The following ZCCHC7 variants were observed in gnomAD, a reference collection of about 807,000 sequenced individuals.
ZCCHC7 encodes the protein zinc finger CCHC-type containing 7, also known as zinc finger CCHC domain-containing protein 7.
A neutral mutation model predicts 52.0 loss-of-function variants in ZCCHC7; 35 were observed. The observed-to-expected ratio is 0.67, with a 90% CI of 0.51 to 0.89. The LOEUF is 0.89. Among genes scored for constraint, ZCCHC7 ranks in the 40% least tolerant of loss-of-function variants. ZCCHC7 has a pLI of 0.00. For synonymous variants in ZCCHC7, 217 were observed against 221.5 expected, an observed-to-expected ratio of 0.98 and a Z score of 0.18; for missense variants, 574 against 649.1, an observed-to-expected ratio of 0.88 and a Z score of 1.26.
intron 2 of ZCCHC7, among the ~76,000 whole-genome samples, chr9:37,270,596 C>A (rs985772790): frequency 6.6e-6 from 1 of 151,258 alleles, no homozygotes; most frequent in Non-Finnish European, 1.5e-5. Context: ...GCAGGAGAAT[C>A]GCTTGAACCT....
chr9:37,333,313 G>A lies in ZCCHC7; in HGVS notation c.987+5479G>A, dbSNP rs56288876. Reference sequence around the variant, plus strand: ...AATATCTTTAATGACCTACTCACTAGTCATCATGAATTTGGCTCATATTTT... The same window carrying A: ...AATATCTTTAATGACCTACTCACTAATCATCATGAATTTGGCTCATATTTT... On this transcript the variant is annotated intron_variant, in intron 6 of 8. Transcript: ENST00000336755. Among the ~76,000 whole-genome samples the A allele has an allele frequency of 6.2e-3, 935 of 151,686 alleles. 5 individuals carry two copies. The highest frequency in any genetic ancestry group is 0.021 in the African/African-American group (885 of 41,472).
In ZCCHC7 at chr9:37,354,410, G is replaced by T. The variant is rs1244770465; in HGVS notation, c.1084-300G>T. The stretch of plus-strand genomic sequence containing the variant: ...ATAACATAAACCCACTAACAGAGCG[G>T]CAAGGCTGCTACCTCAGACTGTGAA... On this transcript the variant is annotated intron_variant, in intron 7 of 8. Coordinates refer to ENST00000336755, the MANE Select transcript of ZCCHC7 (RefSeq NM_032226.3). The surrounding 1 kb of genome is among the most constrained non-coding windows in gnomAD (Gnocchi z 4.0). 6.6e-6 allele frequency among the ~76,000 whole-genome samples: 1 copy of T among 152,174 alleles called. No homozygotes were observed. The highest frequency in any genetic ancestry group is 1.5e-5 in the Non-Finnish European group (1 of 68,036).
At chr9:37,308,980 C>CA (rs56871245) in intron 5 of ZCCHC7, among the ~76,000 whole-genome samples, 7,347 of 107,090 alleles carry the variant, frequency 0.069, 540 homozygotes, top group African/African-American at 0.19. Context: ...AGTCTGTATC[C>CA]AAAAAAAAAA....
At chr9:37,249,854 A>G (rs563290695) in intron 2 of ZCCHC7, among the ~76,000 whole-genome samples, 1 of 152,194 alleles carries the variant, frequency 6.6e-6, no homozygotes, top group African/African-American at 2.4e-5. Context: ...GTCTCCTGGA[A>G]TACAACATAG....
chr9:37,332,398 TC>T (rs1830483923), intron 6 of ZCCHC7, among the ~76,000 whole-genome samples: 1 of 151,476 alleles, frequency 6.6e-6, no homozygotes, highest in Non-Finnish European at 1.5e-5. Context: ...TAATAGTCCA[TC>T]TCTGATAACA....
At chr9:37,214,860 T>C in intron 2 of ZCCHC7, among the ~76,000 whole-genome samples, 1 of 152,072 alleles carries the variant, frequency 6.6e-6, no homozygotes, top group Non-Finnish European at 1.5e-5. Flanking sequence ...TATTTGGGTA[T>C]TGAATATCAG....
At chr9:37,303,829 A>G (rs190162344) in intron 3 of ZCCHC7, among the ~76,000 whole-genome samples, 15 of 151,442 alleles carry the variant, frequency 9.9e-5, no homozygotes, top group African/African-American at 3.2e-4. Flanking sequence ...ACGCCCAGCT[A>G]GTTTTGTATT....
At chr9:37,155,325 C>T (rs538683787) in intron 2 of ZCCHC7, among the ~76,000 whole-genome samples, 87 of 152,108 alleles carry the variant, frequency 5.7e-4, no homozygotes, top group African/African-American at 2.0e-3. Flanking sequence ...TGCACTCCAT[C>T]CAGCCTGGTG....
intron 5 of ZCCHC7, among the ~76,000 whole-genome samples, chr9:37,316,199 A>G (rs1030356036): frequency 1.3e-4 from 20 of 152,038 alleles, no homozygotes; most frequent in Non-Finnish European, 2.5e-4. Flanking sequence ...ACCTGGGACT[A>G]CAGGCACGCA....
chr9:37,257,023 TG>T (rs1280350805), intron 2 of ZCCHC7, among the ~76,000 whole-genome samples: 2 of 152,234 alleles, frequency 1.3e-5, no homozygotes, highest in African/African-American at 4.8e-5. Context: ...TATATATACA[TG>T]GGAGACACCC....
rs1315008284 is a variant in ZCCHC7 at position 37,291,352 on chromosome 9, GTATT to G, written c.611-10834_611-10831del. ...ACTCAAGAACTGATAAGTGAATGAT[GTATT>G]TCTGTGTAAAAAAAAAAAGCAGAGT... On this transcript the variant is annotated intron_variant, in intron 2 of 8. Coordinates refer to ENST00000336755, the MANE Select transcript of ZCCHC7 (RefSeq NM_032226.3). 1.5e-3 allele frequency among the ~76,000 whole-genome samples: 220 copies of G among 151,244 alleles called. 1 individual carries two copies. The highest frequency in any genetic ancestry group is 6.3e-4 in the Non-Finnish European group (43 of 67,928).
At chr9:37,334,663 G>A (rs1830575394) in intron 6 of ZCCHC7, among the ~76,000 whole-genome samples, 1 of 151,964 alleles carries the variant, frequency 6.6e-6, no homozygotes, top group South Asian at 2.1e-4. Flanking sequence ...ATTCAAGGGT[G>A]TTATGTGTGG....
intron 5 of ZCCHC7, among the ~76,000 whole-genome samples, chr9:37,326,459 GT>G (rs1830243640): frequency 6.6e-6 from 1 of 151,270 alleles, no homozygotes; most frequent in South Asian, 2.1e-4. Flanking sequence ...CCACTAAACA[GT>G]CTTTCCTATA....
intron 2 of ZCCHC7, among the ~76,000 whole-genome samples, chr9:37,184,856 G>C (rs566696079): frequency 1.3e-5 from 2 of 152,038 alleles, no homozygotes; most frequent in Non-Finnish European, 2.9e-5. Flanking sequence ...TTGTTTTTAC[G>C]TATGAATGTT....
At chr9:37,326,770 A>G (rs888289275) in intron 5 of ZCCHC7, among the ~76,000 whole-genome samples, 2 of 152,094 alleles carry the variant, frequency 1.3e-5, no homozygotes, top group Non-Finnish European at 2.9e-5. Flanking sequence ...CAAATCAAGT[A>G]AAGAGTTGTT....
intron 2 of ZCCHC7, among the ~76,000 whole-genome samples, chr9:37,260,223 C>G (rs1273394375): frequency 6.6e-6 from 1 of 152,194 alleles, no homozygotes; most frequent in African/African-American, 2.4e-5. Context: ...TGGCTTTCCA[C>G]TGTATATCCC....
At chr9:37,283,584 A>G (rs1828072828) in intron 2 of ZCCHC7, among the ~76,000 whole-genome samples, 1 of 152,148 alleles carries the variant, frequency 6.6e-6, no homozygotes, top group Non-Finnish European at 1.5e-5. Context: ...GACTTTAATA[A>G]TATACTTTTA....
At chr9:37,164,946 G>T (rs978634154) in intron 2 of ZCCHC7, among the ~76,000 whole-genome samples, 1 of 152,154 alleles carries the variant, frequency 6.6e-6, no homozygotes, top group Non-Finnish European at 1.5e-5. Context: ...TGTTCAATCT[G>T]TATATCCATT....
intron 2 of ZCCHC7, among the ~76,000 whole-genome samples, chr9:37,212,229 G>T (rs1023018759): frequency 1.3e-5 from 2 of 151,670 alleles, no homozygotes; most frequent in Admixed American, 6.6e-5. Flanking sequence ...TAAACATCCT[G>T]CCACTAAATA....
Sources: gnomAD v4.1 joint callset for allele counts (sites outside exome capture counted in the v4.1 genomes callset) on GRCh38, gnomAD v4.1.1 for gene constraint, Gnocchi (gnomAD v3.1) non-coding constraint, MANE v1.5 for transcripts, NCBI Gene and HGNC (gene_info 2026-07-23, HGNC 2026-07-21) for gene names.